MTF2: variants seen among roughly 807,000 people sequenced by gnomAD.
MTF2 encodes metal-response element-binding transcription factor 2.
Under a neutral mutation model 79.5 loss-of-function variants are expected in MTF2, and 11 were observed. The observed-to-expected ratio is 0.14, with a 90% CI of 0.09 to 0.23. MTF2 has a LOEUF of 0.23. Ranked by LOEUF, MTF2 falls within the 10% of genes least tolerant of loss-of-function variation. The probability of loss-of-function intolerance (pLI) is 1.00; values close to 1 mark genes in which losing one functional copy is unlikely to be tolerated. For synonymous variants in MTF2, 208 were observed against 232.8 expected (o/e 0.89, Z 0.97); for missense variants, 486 against 711.2 (o/e 0.68, Z 3.60).
chr1:93,120,318 AAAAG>A (rs1656423840), intron 8 of MTF2: 7 of 259,560 alleles, frequency 2.7e-5, no homozygotes, highest in South Asian at 1.3e-4. Flanking sequence ...AAAAAAAAAA[AAAAG>A]AAGTAATTCA....
At position 93,115,523 on chromosome 1, in the gene MTF2, G is replaced by A; in HGVS notation, c.537G>A (p.Lys179=). Residue 179 remains lysine (K), a synonymous_variant, in exon 6 of 15, where the codon AAG becomes AAA. Transcript: ENST00000370298. ...GPNAKALQVM[K]QTLPYSVADL... Reference sequence around the variant, plus strand: ...ATGCCAAAGCATTGCAAGTCATGAAGCAGACATTACCCTATAGTGTGGCAG... The same window carrying A: ...ATGCCAAAGCATTGCAAGTCATGAAACAGACATTACCCTATAGTGTGGCAG... 1 of 1,611,148 alleles carries A rather than the reference G, an allele frequency of 6.2e-7. No homozygotes were observed.
At chr1:93,118,525 T>TC in intron 7 of MTF2, 85 bp downstream of exon 7, 1 of 894,856 alleles carries the variant, frequency 1.1e-6, no homozygotes, top group African/African-American at 1.7e-5. Flanking sequence ...TTCCTAAAGA[T>TC]AGTTTCAACA....
intron 9 of MTF2, among the ~76,000 whole-genome samples, chr1:93,126,280 G>C (rs942170096): frequency 1.1e-4 from 17 of 152,016 alleles, no homozygotes; most frequent in Non-Finnish European, 2.1e-4. Context: ...GTGAATTTGA[G>C]CAGTTTTAAC....
intron 9 of MTF2, among the ~76,000 whole-genome samples, chr1:93,126,442 C>T (rs1372510188): frequency 6.6e-6 from 1 of 150,794 alleles, no homozygotes; most frequent in African/African-American, 2.4e-5. Context: ...AACATACTGG[C>T]TGTAATTTTG....
chr1:93,082,053 A>G (rs1043776718), intron 1 of MTF2, among the ~76,000 whole-genome samples: 6 of 152,314 alleles, frequency 3.9e-5, no homozygotes, highest in Admixed American at 2.6e-4. Flanking sequence ...GTTTTCATAT[A>G]ACATTGCAAT....
rs11380988 is a variant in MTF2 at position 93,082,273 on chromosome 1, C to CTT, written c.5+2757_5+2758dup. On this transcript the variant is annotated intron_variant, in intron 1 of 14. Coordinates refer to ENST00000370298, the MANE Select transcript of MTF2 (RefSeq NM_007358.4). Reference sequence around the variant, plus strand: ...AATAGTGAGCTTTTATGTAACCATTCTTTTTTTTTTTTTTTTCTGTAAAAA... The same window carrying CTT: ...AATAGTGAGCTTTTATGTAACCATTCTTTTTTTTTTTTTTTTTTCTGTAAAAA... Among the ~76,000 whole-genome samples the CTT allele has an allele frequency of 4.7e-3, 658 of 139,222 alleles. 4 individuals are homozygous for CTT. The highest frequency in any genetic ancestry group is 0.012 in the Admixed American group (169 of 13,890). The allele number at this position is 139,222 out of a possible 152,430, so 91.3% of individuals were successfully genotyped here.
At chr1:93,100,111 A>G (rs1655464297) in intron 1 of MTF2, among the ~76,000 whole-genome samples, 1 of 152,226 alleles carries the variant, frequency 6.6e-6, no homozygotes, top group African/African-American at 2.4e-5. Flanking sequence ...GTATAAACAC[A>G]TTATTTGTAA....
chr1:93,131,684 G>C (rs1656923670), intron 11 of MTF2, among the ~76,000 whole-genome samples: 1 of 152,184 alleles, frequency 6.6e-6, no homozygotes, highest in Admixed American at 6.5e-5. Flanking sequence ...CTAGTCAAAT[G>C]ATGGTTTTTT....
At chr1:93,093,211 A>G (rs1283800413) in intron 1 of MTF2, among the ~76,000 whole-genome samples, 1 of 152,094 alleles carries the variant, frequency 6.6e-6, no homozygotes, top group East Asian at 1.9e-4. Context: ...AATAGTGTCA[A>G]ATACTTGTTA....
At chr1:93,126,231 A>G (rs1656692321) in intron 9 of MTF2, among the ~76,000 whole-genome samples, 1 of 151,868 alleles carries the variant, frequency 6.6e-6, no homozygotes, top group Non-Finnish European at 1.5e-5. Flanking sequence ...TGGGCTTATC[A>G]CTTGAGTTCA....
At chr1:93,094,401 T>G (rs1259680262) in intron 1 of MTF2, among the ~76,000 whole-genome samples, 2 of 152,330 alleles carry the variant, frequency 1.3e-5, no homozygotes, top group African/African-American at 4.8e-5. Context: ...GTGGTGATTA[T>G]TTTTTCTTTG....
At position 93,133,720 on chromosome 1, in the gene MTF2, T is replaced by C. The variant is rs746215566; in HGVS notation, c.1178T>C (p.Ile393Thr). 1.2e-6 allele frequency: 2 copies of C among 1,610,244 alleles called. No individual in the cohort carries two copies. The highest frequency in any genetic ancestry group is 1.1e-5 in the South Asian group (1 of 90,766). ...ISDSREVSNGIEKKGKKKSVG... is the reference protein window; with the variant it reads ...ISDSREVSNGTEKKGKKKSVG... ...CATTTCAGGGAAGTAAGCAATGGCATAGAAAAAAAAGGAAAGAAAAAATCT... is the reference window on the plus strand; with the variant it reads ...CATTTCAGGGAAGTAAGCAATGGCACAGAAAAAAAAGGAAAGAAAAAATCT... Residue 393 changes from isoleucine to threonine, a missense_variant, in exon 12 of 15, where the codon ATA becomes ACA. Coordinates refer to ENST00000370298, the MANE Select transcript of MTF2 (RefSeq NM_007358.4).
At chr1:93,129,233 T>C in intron 10 of MTF2, 45 bp from the exon 11 acceptor site, 2 of 1,390,012 alleles carry the variant, frequency 1.4e-6, no homozygotes, top group Non-Finnish European at 2.0e-6. Context: ...ACTATGTATA[T>C]GTGTTCAGTT....
At chr1:93,130,203 G>A (rs1656862470) in intron 11 of MTF2, among the ~76,000 whole-genome samples, 1 of 152,162 alleles carries the variant, frequency 6.6e-6, no homozygotes, top group African/African-American at 2.4e-5. Context: ...TTGATCCTGT[G>A]TAGGGTCTTG....
At chr1:93,123,068 T>G (rs1032156861) in intron 9 of MTF2, among the ~76,000 whole-genome samples, 2 of 152,094 alleles carry the variant, frequency 1.3e-5, no homozygotes, top group African/African-American at 4.8e-5. Context: ...AAATTTACTT[T>G]TGTTTATATT....
chr1:93,088,921 A>G (rs1484157700), intron 1 of MTF2, among the ~76,000 whole-genome samples: 1 of 152,200 alleles, frequency 6.6e-6, no homozygotes, highest in African/African-American at 2.4e-5. Context: ...TTTATAGTTT[A>G]TAAAAGTTTT....
At chr1:93,098,532 T>A (rs760149525) in intron 1 of MTF2, among the ~76,000 whole-genome samples, 9 of 152,224 alleles carry the variant, frequency 5.9e-5, no homozygotes, top group Non-Finnish European at 1.3e-4. Context: ...AATACAATAA[T>A]CATGTTTTCC....
At chr1:93,099,573 A>T (rs923834277) in intron 1 of MTF2, among the ~76,000 whole-genome samples, 1 of 152,184 alleles carries the variant, frequency 6.6e-6, no homozygotes, top group Non-Finnish European at 1.5e-5. Context: ...TCAACATTAA[A>T]TTCTGTATCT....
chr1:93,105,044 T>G (rs1380219894), intron 1 of MTF2, among the ~76,000 whole-genome samples: 2 of 147,442 alleles, frequency 1.4e-5, no homozygotes, highest in East Asian at 2.0e-4. Flanking sequence ...CTCGGGAGGC[T>G]GAGGCAGGAG....
Sources: allele counts gnomAD v4.1 joint callset (sites outside exome capture counted in the v4.1 genomes callset), GRCh38; gene constraint gnomAD v4.1.1; transcripts MANE v1.5; gene names NCBI Gene and HGNC (gene_info 2026-07-23, HGNC 2026-07-21).